The following NCKAP5 variants were observed in gnomAD, a reference collection of about 807,000 sequenced individuals.
NCKAP5 encodes the protein nck-associated protein 5.
NCKAP5 carries 92 observed loss-of-function variants against 167.0 expected under a neutral mutation model. That is an observed-to-expected ratio of 0.55 (90% CI 0.47 to 0.66). The LOEUF (loss-of-function observed/expected upper bound fraction) is 0.66. Ranked by LOEUF, NCKAP5 falls within the 30% of genes least tolerant of loss-of-function variation. NCKAP5 has a pLI of 0.00. For missense variants in NCKAP5, 2,378 were observed against 2,315.0 expected (o/e 1.03, Z -0.56); for synonymous variants, 891 against 877.4 (o/e 1.02, Z -0.27).
chr2:133,352,187 C>G (rs972695538), intron 3 of NCKAP5, among the ~76,000 whole-genome samples: 1 of 152,166 alleles, frequency 6.6e-6, no homozygotes, highest in African/African-American at 2.4e-5. Flanking sequence ...CACTCTGTAT[C>G]CCCCTCCCTG....
At chr2:132,852,531 C>T (rs1340296261) in intron 11 of NCKAP5, among the ~76,000 whole-genome samples, 2 of 152,134 alleles carry the variant, frequency 1.3e-5, no homozygotes, top group Non-Finnish European at 2.9e-5. Context: ...GCATGACACT[C>T]CTGGAGGTTA....
chr2:132,871,570 G>A (rs768969225), intron 9 of NCKAP5, among the ~76,000 whole-genome samples: 10 of 151,998 alleles, frequency 6.6e-5, no homozygotes, highest in Non-Finnish European at 8.8e-5. Context: ...CAGGAGACAC[G>A]GACTAATATC....
intron 4 of NCKAP5, among the ~76,000 whole-genome samples, chr2:133,270,780 A>T (rs1260271015): frequency 1.3e-5 from 2 of 151,692 alleles, no homozygotes; most frequent in African/African-American, 2.4e-5. Flanking sequence ...ATTGCCGGCC[A>T]CTCCTTCATT....
At chr2:132,830,949 AC>A (rs1687481770) in intron 11 of NCKAP5, among the ~76,000 whole-genome samples, 1 of 152,166 alleles carries the variant, frequency 6.6e-6, no homozygotes, top group South Asian at 2.1e-4. Flanking sequence ...GCCAGAAGTA[AC>A]CATTGTTTAT....
the NCKAP5 span, among the ~76,000 whole-genome samples, chr2:133,614,817 C>T: frequency 7.9e-5 from 12 of 151,400 alleles, no homozygotes; most frequent in Non-Finnish European, 1.6e-4. Context: ...AGATACTCCT[C>T]GAGAAGAGCA....
chr2:133,240,574 A>G (rs2087646718), intron 4 of NCKAP5, among the ~76,000 whole-genome samples: 1 of 152,206 alleles, frequency 6.6e-6, no homozygotes, highest in African/African-American at 2.4e-5. Context: ...CTTGAAAGCC[A>G]TTATTCACTA....
At chr2:133,023,334 ATTATT>A (rs1310122410) in intron 6 of NCKAP5, among the ~76,000 whole-genome samples, 1 of 152,194 alleles carries the variant, frequency 6.6e-6, no homozygotes, top group East Asian at 1.9e-4. Context: ...ATTTTTTCAT[ATTATT>A]TTAACATATA....
intron 6 of NCKAP5, chr2:133,122,186 T>C (rs1035674924): frequency 5.3e-5 from 8 of 152,220 alleles, no homozygotes; most frequent in African/African-American, 1.9e-4. Flanking sequence ...TCCAAACTTA[T>C]CTAAACTATA....
chr2:133,110,763 C>T (rs761071994), intron 6 of NCKAP5, among the ~76,000 whole-genome samples: 2 of 152,138 alleles, frequency 1.3e-5, no homozygotes, highest in South Asian at 2.1e-4. Context: ...TATTCTCACA[C>T]GCTGTGTTAG....
chr2:132,907,892 C>A (rs915936389), intron 8 of NCKAP5, among the ~76,000 whole-genome samples: 1 of 151,938 alleles, frequency 6.6e-6, no homozygotes, highest in Non-Finnish European at 1.5e-5. Flanking sequence ...CTCCTGACCT[C>A]GTGATCCTCC....
intron 7 of NCKAP5, among the ~76,000 whole-genome samples, chr2:132,990,458 T>A (rs373289989): frequency 2.6e-5 from 4 of 152,294 alleles, no homozygotes; most frequent in African/African-American, 9.6e-5. Context: ...TGTGACAGAA[T>A]AATACCTATC....
At position 132,823,253 on chromosome 2, in the gene NCKAP5, A is replaced by G. The variant is rs192005013; in HGVS notation, c.808-26524T>C. 1.4e-3 allele frequency among the ~76,000 whole-genome samples: 212 copies of G among 152,288 alleles called. 1 individual carries two copies. The highest frequency in any genetic ancestry group is 4.8e-3 in the African/African-American group (201 of 41,578). On this transcript the variant is annotated intron_variant, in intron 11 of 19. Transcript: ENST00000409261. ...CATCACCTAGGCACATAGTCATCAG[A>G]TTATCTAAAGTCAAAACAAGGGAAA...
chr2:133,445,820 C>T (rs1488596630), intron 3 of NCKAP5, among the ~76,000 whole-genome samples: 1 of 152,036 alleles, frequency 6.6e-6, no homozygotes, highest in African/African-American at 2.4e-5. Flanking sequence ...ATTGGAGCAG[C>T]TTGCGATAAT....
chr2:132,706,049 T>A (rs137923255), intron 19 of NCKAP5, among the ~76,000 whole-genome samples: 1,924 of 152,284 alleles, frequency 0.013, 20 homozygotes, highest in Non-Finnish European at 0.018. Context: ...ACAACATACA[T>A]ATATATACAC....
chr2:133,213,855 T>G (rs998204114), intron 4 of NCKAP5, 76 bp from the exon 5 acceptor site: 4 of 1,414,358 alleles, frequency 2.8e-6, no homozygotes, highest in Non-Finnish European at 4.0e-6. Flanking sequence ...TGAAACATTC[T>G]TTTGAGGTCT....
At chr2:133,049,622 G>C (rs1209057854) in intron 6 of NCKAP5, among the ~76,000 whole-genome samples, 1 of 151,900 alleles carries the variant, frequency 6.6e-6, no homozygotes, top group Non-Finnish European at 1.5e-5. Flanking sequence ...AGTGATCATG[G>C]GGTATAAGTG....
At chr2:132,701,834 C>T (rs1189477108) in intron 19 of NCKAP5, among the ~76,000 whole-genome samples, 1 of 152,126 alleles carries the variant, frequency 6.6e-6, no homozygotes, top group South Asian at 2.1e-4. Flanking sequence ...TTTCTTTGGT[C>T]CTCAATTTAA....
At chr2:132,904,883 A>G (rs1377150384) in intron 8 of NCKAP5, among the ~76,000 whole-genome samples, 1 of 152,128 alleles carries the variant, frequency 6.6e-6, no homozygotes, top group East Asian at 1.9e-4. Context: ...GGATAGAAAA[A>G]ATCTAGTTCT....
intron 8 of NCKAP5, among the ~76,000 whole-genome samples, chr2:132,953,726 T>G (rs1489799543): frequency 6.6e-6 from 1 of 151,996 alleles, no homozygotes; most frequent in African/African-American, 2.4e-5. Flanking sequence ...AGCAGTAACA[T>G]TCTTTCTGGG....
Sources: allele counts gnomAD v4.1 joint callset (sites outside exome capture counted in the v4.1 genomes callset), GRCh38; gene constraint gnomAD v4.1.1; transcripts MANE v1.5; gene names NCBI Gene and HGNC (gene_info 2026-07-23, HGNC 2026-07-21).